The following RASEF variants were observed in gnomAD, a reference collection of about 807,000 sequenced individuals.
The protein encoded by RASEF is ras and EF-hand domain-containing protein.
In RASEF, 68 loss-of-function variants were observed where a neutral mutation model predicts 90.1. The observed-to-expected ratio is 0.75, with a 90% confidence interval of 0.62 to 0.92. RASEF has a LOEUF of 0.92. RASEF is among the 40% of genes least tolerant of loss of function. The probability of loss-of-function intolerance (pLI) is 0.00; values close to 1 mark genes in which losing one functional copy is unlikely to be tolerated. For synonymous variants in RASEF, 331 were observed against 345.2 expected, an observed-to-expected ratio of 0.96 and a Z score of 0.46; for missense variants, 949 against 937.2, an observed-to-expected ratio of 1.01 and a Z score of -0.16.
chr9:83,118,016 G>A, the RASEF span, among the ~76,000 whole-genome samples: 1 of 152,070 alleles, frequency 6.6e-6, no homozygotes, highest in African/African-American at 2.4e-5. Flanking sequence ...ATGTCTCTGG[G>A]CCTCAGTTTA....
At chr9:83,040,460 T>C (rs1829818679) in intron 1 of RASEF, among the ~76,000 whole-genome samples, 1 of 152,208 alleles carries the variant, frequency 6.6e-6, no homozygotes, top group African/African-American at 2.4e-5. Flanking sequence ...ATTGCATACA[T>C]AGATAACTCA....
At chr9:83,006,859 C>T (rs1193193200) in intron 7 of RASEF, among the ~76,000 whole-genome samples, 2 of 151,950 alleles carry the variant, frequency 1.3e-5, no homozygotes, top group Non-Finnish European at 2.9e-5. Flanking sequence ...TTTGGGAGGC[C>T]GAGGCGGGAG....
chr9:83,148,754 G>A, the RASEF span, among the ~76,000 whole-genome samples: 1 of 152,198 alleles, frequency 6.6e-6, no homozygotes, highest in African/African-American at 2.4e-5. Flanking sequence ...AGTGAATGTA[G>A]TACCCATTCA....
the RASEF span, among the ~76,000 whole-genome samples, chr9:83,176,228 G>T: frequency 6.6e-6 from 1 of 152,078 alleles, no homozygotes; most frequent in South Asian, 2.1e-4. Flanking sequence ...CTCATAGATT[G>T]GCCCATTTAT....
chr9:83,031,033 A>G (rs768624343), intron 1 of RASEF, among the ~76,000 whole-genome samples: 1 of 152,202 alleles, frequency 6.6e-6, no homozygotes, highest in Non-Finnish European at 1.5e-5. Context: ...GAATCACCAC[A>G]TGGTGGAAAA....
At chr9:83,013,074 T>G (rs754748275) in intron 4 of RASEF, among the ~76,000 whole-genome samples, 14 of 152,206 alleles carry the variant, frequency 9.2e-5, no homozygotes, top group Non-Finnish European at 1.8e-4. Context: ...ATACCTACAT[T>G]TAAGCTTTGC....
chr9:82,983,067 C>T (rs1330637050), intron 16 of RASEF, among the ~76,000 whole-genome samples: 1 of 151,078 alleles, frequency 6.6e-6, no homozygotes, highest in African/African-American at 2.4e-5. Context: ...GGATTAAAAC[C>T]ACACAGGCTG....
chr9:83,060,225 C>T (rs1376467938), intron 1 of RASEF, among the ~76,000 whole-genome samples: 5 of 152,106 alleles, frequency 3.3e-5, no homozygotes, highest in African/African-American at 1.2e-4. Flanking sequence ...GACAATTCTC[C>T]CTTCAGAAGA....
chr9:83,096,369 T>A, the RASEF span, among the ~76,000 whole-genome samples: 1 of 152,080 alleles, frequency 6.6e-6, no homozygotes, highest in African/African-American at 2.4e-5. Context: ...AAAAAGACAT[T>A]AAGGATAATA....
chr9:82,993,131 G>T, intron 14 of RASEF, 106 bp from the exon 15 acceptor site: 1 of 1,160,662 alleles, frequency 8.6e-7, no homozygotes. Context: ...TGCCTCCTTT[G>T]TGCCAAATCC....
chr9:83,140,358 T>G, the RASEF span, among the ~76,000 whole-genome samples: 1 of 152,208 alleles, frequency 6.6e-6, no homozygotes, highest in South Asian at 2.1e-4. Flanking sequence ...AGACCTCTAA[T>G]GCTGATTCAA....
the RASEF span, among the ~76,000 whole-genome samples, chr9:83,079,773 A>G: frequency 6.6e-6 from 1 of 152,102 alleles, no homozygotes; most frequent in Non-Finnish European, 1.5e-5. Flanking sequence ...AACAAATTGT[A>G]TGTCTAAACA....
chr9:83,205,942 T>A, the RASEF span, among the ~76,000 whole-genome samples: 1 of 152,202 alleles, frequency 6.6e-6, no homozygotes, highest in African/African-American at 2.4e-5. Flanking sequence ...CAGTAGAATA[T>A]AACTACCCTA....
the RASEF span, among the ~76,000 whole-genome samples, chr9:83,138,694 C>A: frequency 2.0e-5 from 3 of 152,272 alleles, no homozygotes; most frequent in East Asian, 5.8e-4. Flanking sequence ...GTATTTGTTT[C>A]ATAAATCCCC....
At chr9:83,016,299 T>C (rs954394046) in intron 3 of RASEF, among the ~76,000 whole-genome samples, 1 of 151,952 alleles carries the variant, frequency 6.6e-6, no homozygotes, top group African/African-American at 2.4e-5. Context: ...GGTGAACCCT[T>C]TTCCCTAGAG....
chr9:83,206,613 C>T, the RASEF span, among the ~76,000 whole-genome samples: 7 of 152,156 alleles, frequency 4.6e-5, no homozygotes, highest in African/African-American at 1.4e-4. Flanking sequence ...TTACAGTATA[C>T]GCTATATGCT....
chr9:83,088,945 T>C, the RASEF span, among the ~76,000 whole-genome samples: 1 of 152,070 alleles, frequency 6.6e-6, no homozygotes, highest in Admixed American at 6.5e-5. Context: ...AGATGTTACA[T>C]GTGCCATTTT....
chr9:83,171,242 T>A, the RASEF span, among the ~76,000 whole-genome samples: 1 of 152,118 alleles, frequency 6.6e-6, no homozygotes, highest in East Asian at 1.9e-4. Context: ...TTGATTTGTG[T>A]ATGTTGACCT....
intron 1 of RASEF, among the ~76,000 whole-genome samples, chr9:83,058,198 T>TG: frequency 7.3e-6 from 1 of 137,320 alleles, no homozygotes; most frequent in African/African-American, 2.9e-5. Context: ...TTTTTTTTTT[T>TG]TTGAGAAGGA....
Sources: gnomAD v4.1 joint callset for allele counts (sites outside exome capture counted in the v4.1 genomes callset) on GRCh38, gnomAD v4.1.1 for gene constraint, MANE v1.5 for transcripts, NCBI Gene and HGNC (gene_info 2026-07-23, HGNC 2026-07-21) for gene names.